The following SHISA9 variants were observed in gnomAD, a reference collection of about 807,000 sequenced individuals.
SHISA9 encodes shisa family member 9.
A neutral mutation model predicts 38.0 loss-of-function variants in SHISA9; 13 were observed. The ratio of observed to expected loss-of-function variants is 0.34; its 90% CI spans 0.22 to 0.54. SHISA9 has a LOEUF of 0.54. Ranked by LOEUF, SHISA9 falls within the 20% of genes least tolerant of loss-of-function variation. The pLI is 0.91. For synonymous variants in SHISA9, 275 were observed against 242.0 expected, an observed-to-expected ratio of 1.14 and a Z score of -1.27; for missense variants, 538 against 575.8, an observed-to-expected ratio of 0.93 and a Z score of 0.67.
At chr16:13,324,684 T>C in the SHISA9 span, among the ~76,000 whole-genome samples, 1 of 152,186 alleles carries the variant, frequency 6.6e-6, no homozygotes, top group African/African-American at 2.4e-5. Context: ...TCTGAGGCAG[T>C]ATCTGAATCA....
the SHISA9 span, among the ~76,000 whole-genome samples, chr16:13,544,429 G>GTTTTTTTTTTTTTTTT: frequency 4.9e-5 from 5 of 102,108 alleles, no homozygotes; most frequent in Admixed American, 1.2e-4. Context: ...TTTTTTTCTT[G>GTTTTTTTTTTTTTTTT]TTTTTTTTTT....
At chr16:13,173,350 TG>T (rs1478604680) in intron 2 of SHISA9, among the ~76,000 whole-genome samples, 8 of 147,316 alleles carry the variant, frequency 5.4e-5, no homozygotes, top group Non-Finnish European at 1.2e-4. Flanking sequence ...GACACTACAA[TG>T]TGGAAATGGC....
chr16:13,003,631 G>A (rs1434906803), intron 2 of SHISA9, among the ~76,000 whole-genome samples: 3 of 152,168 alleles, frequency 2.0e-5, no homozygotes, highest in Non-Finnish European at 2.9e-5. Flanking sequence ...GCCAGAGTGG[G>A]TGGATCACCT....
At chr16:13,203,639 C>T (rs1271910435) in intron 3 of SHISA9, 90 bp downstream of exon 3, 2 of 1,310,538 alleles carry the variant, frequency 1.5e-6, no homozygotes, top group East Asian at 5.5e-5. Flanking sequence ...AGTTTTCTTT[C>T]CTAATTCCTT....
the SHISA9 span, among the ~76,000 whole-genome samples, chr16:13,382,948 A>T: frequency 6.6e-6 from 1 of 152,306 alleles, no homozygotes; most frequent in East Asian, 1.9e-4. Flanking sequence ...TACTGATCAC[A>T]TGTCATTGAT....
At chr16:13,544,429 G>GTTTTT in the SHISA9 span, among the ~76,000 whole-genome samples, 323 of 102,078 alleles carry the variant, frequency 3.2e-3, 10 homozygotes, top group African/African-American at 0.011. Flanking sequence ...TTTTTTTCTT[G>GTTTTT]TTTTTTTTTT....
the SHISA9 span, among the ~76,000 whole-genome samples, chr16:13,479,143 C>T: frequency 0.25 from 38,725 of 152,034 alleles, 5,133 homozygotes; most frequent in African/African-American, 0.31. Context: ...TGGTCCTGCA[C>T]GGCGCCTATC....
the SHISA9 span, among the ~76,000 whole-genome samples, chr16:13,450,010 G>A: frequency 6.6e-5 from 10 of 152,080 alleles, no homozygotes; most frequent in African/African-American, 1.9e-4. Context: ...CCAGCTACTC[G>A]GGAGGCTGAG....
At chr16:13,537,395 T>TC in the SHISA9 span, among the ~76,000 whole-genome samples, 1 of 149,752 alleles carries the variant, frequency 6.7e-6, no homozygotes, top group African/African-American at 2.5e-5. Context: ...ACCATTGCAC[T>TC]CCAGCCTAGG....
intron 2 of SHISA9, among the ~76,000 whole-genome samples, chr16:13,042,832 G>C (rs1415052065): frequency 1.3e-5 from 2 of 152,126 alleles, no homozygotes; most frequent in Non-Finnish European, 2.9e-5. Context: ...AGTTACATAA[G>C]AGCAGAAACC....
At chr16:13,158,256 T>C (rs2050564731) in intron 2 of SHISA9, among the ~76,000 whole-genome samples, 1 of 152,226 alleles carries the variant, frequency 6.6e-6, no homozygotes, top group African/African-American at 2.4e-5. Context: ...TGCCTCTCAC[T>C]GACTGGGACT....
At chr16:13,301,225 A>C in the SHISA9 span, among the ~76,000 whole-genome samples, 1 of 152,148 alleles carries the variant, frequency 6.6e-6, no homozygotes, top group Non-Finnish European at 1.5e-5. Context: ...ATGCCCCCAG[A>C]GGAGAAAAGG....
chr16:13,420,569 G>A, the SHISA9 span, among the ~76,000 whole-genome samples: 8 of 152,260 alleles, frequency 5.3e-5, no homozygotes, highest in Admixed American at 5.2e-4. Flanking sequence ...GGTAAGGAAA[G>A]GCAAGAGTAA....
the SHISA9 span, among the ~76,000 whole-genome samples, chr16:13,321,357 A>C: frequency 6.6e-6 from 1 of 152,200 alleles, no homozygotes; most frequent in Non-Finnish European, 1.5e-5. Flanking sequence ...TGAATGAACG[A>C]ATGAATGATT....
chr16:13,227,850 G>A (rs2051294281), intron 4 of SHISA9, among the ~76,000 whole-genome samples: 1 of 152,146 alleles, frequency 6.6e-6, no homozygotes, highest in Non-Finnish European at 1.5e-5. Context: ...AGGAAAGAAG[G>A]GAGACAGAAA....
the SHISA9 span, among the ~76,000 whole-genome samples, chr16:13,453,497 T>C: frequency 1.3e-5 from 2 of 152,160 alleles, no homozygotes; most frequent in African/African-American, 2.4e-5. Flanking sequence ...ATCCCTGCCA[T>C]GGTCATGAGA....
intron 2 of SHISA9, among the ~76,000 whole-genome samples, chr16:13,123,541 T>C (rs2050232091): frequency 1.3e-5 from 2 of 152,238 alleles, no homozygotes. Flanking sequence ...AGTGCTATAC[T>C]GAATGGCACA....
intron 2 of SHISA9, among the ~76,000 whole-genome samples, chr16:12,960,100 G>T (rs1209600566): frequency 4.6e-5 from 7 of 152,130 alleles, no homozygotes; most frequent in Non-Finnish European, 8.8e-5. Context: ...CTTGCGTGGT[G>T]TGCTCATTTG....
At chr16:12,975,332 G>A (rs8059741) in intron 2 of SHISA9, among the ~76,000 whole-genome samples, 6,710 of 151,880 alleles carry the variant, frequency 0.044, 379 homozygotes, top group African/African-American at 0.13. Flanking sequence ...GTGAAACCCT[G>A]TCTCTACCAA....
Sources: allele counts gnomAD v4.1 joint callset (sites outside exome capture counted in the v4.1 genomes callset), GRCh38; gene constraint gnomAD v4.1.1; transcripts MANE v1.5; gene names NCBI Gene and HGNC (gene_info 2026-07-23, HGNC 2026-07-21).